Variants in PDS5B observed in about 807,000 individuals in gnomAD.
The protein encoded by PDS5B is sister chromatid cohesion protein PDS5 homolog B.
Under a neutral mutation model 184.1 loss-of-function variants are expected in PDS5B, and 51 were observed. The observed-to-expected ratio is 0.28, with a 90% CI of 0.22 to 0.35. PDS5B has a LOEUF of 0.35. Among genes scored for constraint, PDS5B ranks in the 10% least tolerant of loss-of-function variants. The probability of loss-of-function intolerance (pLI) is 1.00; values close to 1 mark genes in which losing one functional copy is unlikely to be tolerated. For synonymous variants in PDS5B, 566 were observed against 569.2 expected (o/e 0.99, Z 0.08); for missense variants, 1,180 against 1,723.3 (o/e 0.68, Z 5.58).
At chr13:32,715,892 C>T (rs1313846317) in intron 19 of PDS5B, among the ~76,000 whole-genome samples, 10 of 152,266 alleles carry the variant, frequency 6.6e-5, no homozygotes, top group South Asian at 4.1e-4. Flanking sequence ...AGCTCCTAAC[C>T]GCGAGTGATC....
At chr13:32,610,115 A>G (rs1055212940) in intron 1 of PDS5B, among the ~76,000 whole-genome samples, 19 of 152,296 alleles carry the variant, frequency 1.2e-4, no homozygotes, top group African/African-American at 4.6e-4. Flanking sequence ...ATGGGCATAG[A>G]TGCATATAAG....
At chr13:32,730,542 G>A (rs36153412) in intron 19 of PDS5B, among the ~76,000 whole-genome samples, 4 of 152,256 alleles carry the variant, frequency 2.6e-5, no homozygotes, top group African/African-American at 9.6e-5. Context: ...TGGGCAGTAT[G>A]GCCATTTTCA....
chr13:32,627,013 CT>C (rs11432906), intron 1 of PDS5B, among the ~76,000 whole-genome samples: 1 of 151,810 alleles, frequency 6.6e-6, no homozygotes, highest in Non-Finnish European at 1.5e-5. Flanking sequence ...CTATCTAGCA[CT>C]TTTTTTTATC....
chr13:32,757,398 A>C (rs1220915912), intron 26 of PDS5B, among the ~76,000 whole-genome samples: 2 of 152,164 alleles, frequency 1.3e-5, no homozygotes, highest in African/African-American at 4.8e-5. Flanking sequence ...TTCTAGAATA[A>C]TACCTTGCTT....
intron 19 of PDS5B, among the ~76,000 whole-genome samples, chr13:32,726,957 G>A (rs1308629716): frequency 6.6e-6 from 1 of 151,986 alleles, no homozygotes; most frequent in Non-Finnish European, 1.5e-5. Flanking sequence ...AAATGTCCTA[G>A]TTGTCTTTCT....
At chr13:32,659,800 C>T (rs1008169484) in intron 6 of PDS5B, among the ~76,000 whole-genome samples, 6 of 152,076 alleles carry the variant, frequency 3.9e-5, no homozygotes, top group South Asian at 2.1e-4. Context: ...GTTAGAAATA[C>T]GGTTCTGTTA....
chr13:32,758,506 CTG>C, intron 27 of PDS5B, 26 bp from the exon 28 acceptor site: 1 of 1,596,136 alleles, frequency 6.3e-7, no homozygotes, highest in African/African-American at 1.3e-5. Flanking sequence ...GCTTAAGTAT[CTG>C]TGTTTTTAAA....
chr13:32,719,224 C>T (rs566281232), intron 19 of PDS5B, among the ~76,000 whole-genome samples: 1 of 152,170 alleles, frequency 6.6e-6, no homozygotes, highest in Admixed American at 6.5e-5. Flanking sequence ...GCTCTGTTAC[C>T]TAGACTGGAG....
At chr13:32,674,758 C>T (rs998946253) in intron 8 of PDS5B, among the ~76,000 whole-genome samples, 4 of 151,560 alleles carry the variant, frequency 2.6e-5, no homozygotes, top group Non-Finnish European at 5.9e-5. Flanking sequence ...AGGAAGGTTC[C>T]GGGTGAATTT....
intron 20 of PDS5B, among the ~76,000 whole-genome samples, chr13:32,734,193 A>G (rs1200977102): frequency 6.7e-6 from 1 of 148,504 alleles, no homozygotes; most frequent in Non-Finnish European, 1.5e-5. Flanking sequence ...CGCCTGGCTA[A>G]TTTTTGTATT....
At chr13:32,611,042 A>G in intron 1 of PDS5B, among the ~76,000 whole-genome samples, 1 of 152,094 alleles carries the variant, frequency 6.6e-6, no homozygotes, top group African/African-American at 2.4e-5. Context: ...TAAGTTCCCA[A>G]ATATAATAAT....
intron 18 of PDS5B, among the ~76,000 whole-genome samples, chr13:32,707,556 A>G (rs1172838148): frequency 2.9e-5 from 4 of 139,742 alleles, no homozygotes; most frequent in Admixed American, 1.4e-4. Context: ...ATCCTTAACT[A>G]TTTTCCCTTA....
Position 32,701,312 on chromosome 13 carries a change from CTG to C in PDS5B, c.1741-9_1741-8del. The C allele has an allele frequency of 7.4e-7, 1 of 1,352,014 alleles. No homozygotes were observed. The highest frequency in any genetic ancestry group is 1.2e-5 in the South Asian group (1 of 82,152). The allele number at this position is 1,352,014 out of a possible 1,614,324, so 83.8% of individuals were successfully genotyped here. On this transcript the variant is annotated splice_polypyrimidine_tract_variant and intron_variant, in intron 16 of 34. Coordinates refer to ENST00000315596, the MANE Select transcript of PDS5B (RefSeq NM_015032.4). ...TGTACTTTTGTAATACTGAAATAAT[CTG>C]TATTACAGCGTGAAATAACTAAGAA...
chr13:32,620,772 A>G (rs980864207), intron 1 of PDS5B, among the ~76,000 whole-genome samples: 2 of 152,150 alleles, frequency 1.3e-5, no homozygotes, highest in Admixed American at 6.5e-5. Flanking sequence ...TTGGGTAGAT[A>G]ACCTTTGTCA....
chr13:32,671,320 T>G (rs1377225575), intron 7 of PDS5B, among the ~76,000 whole-genome samples: 2 of 152,190 alleles, frequency 1.3e-5, no homozygotes, highest in African/African-American at 4.8e-5. Flanking sequence ...TTTTTTTCCC[T>G]TAATTTTTCA....
chr13:32,671,493 G>A (rs1473003085), intron 7 of PDS5B, among the ~76,000 whole-genome samples: 3 of 151,926 alleles, frequency 2.0e-5, no homozygotes, highest in African/African-American at 7.3e-5. Flanking sequence ...GTGAATGGAA[G>A]CAAAAAAGCC....
intron 6 of PDS5B, among the ~76,000 whole-genome samples, chr13:32,662,517 G>A (rs1950678165): frequency 6.6e-6 from 1 of 151,924 alleles, no homozygotes; most frequent in African/African-American, 2.4e-5. Context: ...TTATAAATCA[G>A]GTAAACTGAG....
intron 19 of PDS5B, among the ~76,000 whole-genome samples, chr13:32,719,526 C>CTT (rs1952594896): frequency 6.6e-6 from 1 of 151,786 alleles, no homozygotes; most frequent in Non-Finnish European, 1.5e-5. Flanking sequence ...GCAAAAAAAT[C>CTT]TATGTGTTAC....
At chr13:32,621,833 A>G (rs976177743) in intron 1 of PDS5B, among the ~76,000 whole-genome samples, 3 of 152,330 alleles carry the variant, frequency 2.0e-5, no homozygotes, top group Admixed American at 1.3e-4. Flanking sequence ...CTTTAGTGCT[A>G]TAAATGCAGA....
Sources: allele counts gnomAD v4.1 joint callset (sites outside exome capture counted in the v4.1 genomes callset), GRCh38; gene constraint gnomAD v4.1.1; transcripts MANE v1.5; gene names NCBI Gene and HGNC (gene_info 2026-07-23, HGNC 2026-07-21).